Variants in NEMF observed in about 807,000 individuals in gnomAD.
NEMF encodes ribosome quality control complex subunit NEMF.
In NEMF, 89 loss-of-function variants were observed where a neutral mutation model predicts 162.2. The observed-to-expected ratio is 0.55, with a 90% CI of 0.46 to 0.65. The LOEUF (loss-of-function observed/expected upper bound fraction) is 0.65. NEMF is among the 30% of genes least tolerant of loss of function. The pLI, the probability that NEMF is intolerant of heterozygous loss-of-function variation, is 0.00. For synonymous variants in NEMF, 421 were observed against 404.5 expected (o/e 1.04, Z -0.49); for missense variants, 1,133 against 1,261.9 (o/e 0.90, Z 1.55).
At chr14:49,843,220 C>T (rs745401323) in intron 4 of NEMF, among the ~76,000 whole-genome samples, 18 of 151,982 alleles carry the variant, frequency 1.2e-4, no homozygotes, top group South Asian at 2.1e-4. Context: ...AAGAGCCAGG[C>T]GTGGTGGCTC....
intron 22 of NEMF, 42 bp downstream of exon 22, chr14:49,802,411 C>CA (rs1566661518): frequency 6.3e-7 from 1 of 1,598,164 alleles, no homozygotes; most frequent in Non-Finnish European, 8.5e-7. Context: ...AACTAGGTAA[C>CA]AAAAAACATC....
Position 49,838,225 on chromosome 14 carries a change from A to G in NEMF, c.507-19T>C, listed in dbSNP as rs755187836. 1.9e-6 allele frequency: 3 copies of G among 1,610,766 alleles called. No individual in the cohort carries two copies. The highest frequency in any genetic ancestry group is 1.1e-5 in the South Asian group (1 of 91,016). On this transcript the variant is annotated intron_variant, in intron 5 of 32. Transcript: ENST00000298310. Reference sequence around the variant, plus strand: ...AGTCAACCTGTGAAACAAAACGGACATGCCTCTATCATATCTTAAATAAAC... The same window carrying G: ...AGTCAACCTGTGAAACAAAACGGACGTGCCTCTATCATATCTTAAATAAAC...
At chr14:49,837,700 C>T (rs1364161981) in intron 6 of NEMF, among the ~76,000 whole-genome samples, 2 of 151,574 alleles carry the variant, frequency 1.3e-5, no homozygotes, top group African/African-American at 4.9e-5. Flanking sequence ...CTCTAGATTC[C>T]TTAATATAGG....
chr14:49,822,668 TAAAAAAAA>T (rs59170500), intron 16 of NEMF, among the ~76,000 whole-genome samples: 2 of 46,142 alleles, frequency 4.3e-5, no homozygotes, highest in Non-Finnish European at 7.5e-5. Flanking sequence ...AGTCTCTACT[TAAAAAAAA>T]AAAAAAAAAA....
chr14:49,782,257 T>C lies in NEMF; in HGVS notation c.*2379A>G. 1 of 609,326 alleles carries C rather than the reference T, an allele frequency of 1.6e-6. No individual in the cohort carries two copies. Among genetic ancestry groups the C allele is most frequent in the Non-Finnish European group, 2.9e-6 (1 of 343,304 alleles). 37.7% of individuals were successfully genotyped at this position (609,326 alleles called of 1,614,324 possible). ...GATTTTACTTCTCGCCATGATGTTT[T>C]GGTCTGAACTACCTTAAGATCGCTA... On this transcript the variant is annotated 3_prime_UTR_variant, in exon 33 of 33. Coordinates refer to ENST00000298310, the MANE Select transcript of NEMF (RefSeq NM_004713.6).
rs1446354141 is a variant in NEMF at position 49,829,358 on chromosome 14, C to G, written c.1014G>C (p.Gln338His). The G allele has an allele frequency of 1.2e-6, 2 of 1,614,148 alleles. No individual in the cohort carries two copies. The highest frequency in any genetic ancestry group is 8.5e-7 in the Non-Finnish European group (1 of 1,179,984). Residue 338 changes from glutamine (Q) to histidine (H), a missense_variant, in exon 12 of 33, where the codon CAG becomes CAC. By Grantham distance (24) the Gln-to-His change is conservative (BLOSUM62 0). Transcript: ENST00000298310. ...KDHENRLEALQQAQEIDKLKG... is the reference protein window; with the variant it reads ...KDHENRLEALHQAQEIDKLKG... Reference sequence around the variant, plus strand: ...AAGCCAAACATAATACCTGAGCCTGCTGAAGAGCTTCCAATCTGTTTTCGT... The same window carrying G: ...AAGCCAAACATAATACCTGAGCCTGGTGAAGAGCTTCCAATCTGTTTTCGT...
intron 18 of NEMF, among the ~76,000 whole-genome samples, chr14:49,809,783 C>A (rs1037718148): frequency 2.6e-5 from 4 of 151,902 alleles, no homozygotes; most frequent in African/African-American, 9.7e-5. Flanking sequence ...ATCGCTTGAA[C>A]CTGGGAGGCA....
chr14:49,806,358 T>G (rs1594750730), intron 18 of NEMF, among the ~76,000 whole-genome samples: 1 of 142,170 alleles, frequency 7.0e-6, no homozygotes, highest in Non-Finnish European at 1.5e-5. Context: ...GCCTCCCGGG[T>G]TCAAGCAATT....
At chr14:49,837,302 A>G (rs1394482721) in intron 6 of NEMF, among the ~76,000 whole-genome samples, 1 of 152,050 alleles carries the variant, frequency 6.6e-6, no homozygotes, top group African/African-American at 2.4e-5. Context: ...TAGGCTTAAG[A>G]TTTTCACATT....
In NEMF at chr14:49,782,744, G is replaced by A; in HGVS notation, c.*1892C>T. 1 of 1,478,696 alleles carries A rather than the reference G, an allele frequency of 6.8e-7. No individual in the cohort carries two copies. Among genetic ancestry groups the A allele is most frequent in the Non-Finnish European group, 9.2e-7 (1 of 1,085,590 alleles). 91.6% of individuals were successfully genotyped at this position (1,478,696 alleles called of 1,614,324 possible). On this transcript the variant is annotated 3_prime_UTR_variant, in exon 33 of 33. Transcript: ENST00000298310. ...CTATGAAAATCTTTGAAGAAAGAAAGAGGGATGTTTTATGTAGTTTTTCAA... is the reference window on the plus strand; with the variant it reads ...CTATGAAAATCTTTGAAGAAAGAAAAAGGGATGTTTTATGTAGTTTTTCAA...
In NEMF at chr14:49,800,545, T is replaced by G; in HGVS notation, c.2247A>C (p.Glu749Asp). 6.2e-7 allele frequency: 1 copy of G among 1,614,084 alleles called. No homozygotes were observed. Among genetic ancestry groups the G allele is most frequent in the Non-Finnish European group, 8.5e-7 (1 of 1,179,990 alleles). ...NEELIQEESSEDEGEYEEVRK... is the reference protein window; with the variant it reads ...NEELIQEESSDDEGEYEEVRK... Reference sequence around the variant, plus strand: ...TAACCTCTTCATATTCTCCTTCGTCTTCAGAGCTTTCTTCCTGAATGAGCT... The same window carrying G: ...TAACCTCTTCATATTCTCCTTCGTCGTCAGAGCTTTCTTCCTGAATGAGCT... The change falls in exon 23 of 33, where the codon GAA (glutamate) becomes GAC (aspartate). Residue 749 changes from glutamate (E) to aspartate (D), a missense_variant. Physicochemically the swap from Glu to Asp is conservative, Grantham distance 45 (BLOSUM62 2). Coordinates refer to ENST00000298310, the MANE Select transcript of NEMF (RefSeq NM_004713.6).
In NEMF at chr14:49,832,195, C is replaced by G; in HGVS notation, c.806+12G>C. The G allele has an allele frequency of 6.2e-7, 1 of 1,605,150 alleles. No individual in the cohort carries two copies. The highest frequency in any genetic ancestry group is 8.5e-7 in the Non-Finnish European group (1 of 1,174,664). Reference sequence around the variant, plus strand: ...ACATCCAAAGCAAATTGACCCATGCCTATATGCTTACGTCAGTATGTCTTC... The same window carrying G: ...ACATCCAAAGCAAATTGACCCATGCGTATATGCTTACGTCAGTATGTCTTC... On this transcript the variant is annotated intron_variant, in intron 9 of 32. Coordinates refer to ENST00000298310, the MANE Select transcript of NEMF (RefSeq NM_004713.6).
At chr14:49,850,568 G>A (rs1394667552) in intron 3 of NEMF, among the ~76,000 whole-genome samples, 1 of 152,084 alleles carries the variant, frequency 6.6e-6, no homozygotes, top group Non-Finnish European at 1.5e-5. Flanking sequence ...CGAAAGTCTC[G>A]TGTACCACAT....
intron 28 of NEMF, 122 bp from the exon 29 acceptor site, chr14:49,786,872 TA>T (rs1890202869): frequency 3.6e-6 from 3 of 824,538 alleles, no homozygotes. Flanking sequence ...ACCCACAGGA[TA>T]GGGGGCCTCA....
Position 49,806,139 on chromosome 14 carries a change from A to T in NEMF, c.1745-6T>A, listed in dbSNP as rs947659715. 2.5e-6 allele frequency: 4 copies of T among 1,597,904 alleles called. No individual in the cohort carries two copies. Among genetic ancestry groups the T allele is most frequent in the Non-Finnish European group, 3.4e-6 (4 of 1,169,656 alleles). ...CCGTGGGGGGATGGGTTCTCCTAGA[A>T]TAACAATGCATAATGTTTCAATACC... On this transcript the variant is annotated splice_region_variant and splice_polypyrimidine_tract_variant and intron_variant, in intron 18 of 32. Coordinates refer to ENST00000298310, the MANE Select transcript of NEMF (RefSeq NM_004713.6).
At chr14:49,791,233 G>A (rs1174934462) in intron 26 of NEMF, among the ~76,000 whole-genome samples, 1 of 151,762 alleles carries the variant, frequency 6.6e-6, no homozygotes, top group Non-Finnish European at 1.5e-5. Context: ...TACTCAGGAG[G>A]CTGAAGCAGG....
intron 4 of NEMF, among the ~76,000 whole-genome samples, chr14:49,844,098 C>CA (rs74488260): frequency 2.1e-3 from 255 of 119,064 alleles, no homozygotes; most frequent in East Asian, 0.012. Flanking sequence ...GACTCTGTAT[C>CA]AAAAAAAAAA....
At chr14:49,785,521 T>A (rs1404982369) in intron 29 of NEMF, 3 of 509,730 alleles carry the variant, frequency 5.9e-6, no homozygotes, top group Non-Finnish European at 1.1e-5. Flanking sequence ...CTTTACTACT[T>A]AATTTTTGCC....
chr14:49,807,666 G>A (rs954287147), intron 18 of NEMF, among the ~76,000 whole-genome samples: 1 of 146,966 alleles, frequency 6.8e-6, no homozygotes, highest in Non-Finnish European at 1.5e-5. Context: ...GCGTGATCTC[G>A]GCTCACTGCA....
Sources: allele counts gnomAD v4.1 joint callset (sites outside exome capture counted in the v4.1 genomes callset), GRCh38; gene constraint gnomAD v4.1.1; transcripts MANE v1.5; gene names NCBI Gene and HGNC (gene_info 2026-07-23, HGNC 2026-07-21).